Variants in KIAA0513 observed in about 807,000 individuals in gnomAD.
KIAA0513 encodes uncharacterized protein KIAA0513.
Under a neutral mutation model 56.5 loss-of-function variants are expected in KIAA0513, and 39 were observed. The observed-to-expected ratio is 0.69, with a 90% CI of 0.53 to 0.90. The LOEUF is 0.90. Ranked by LOEUF, KIAA0513 falls within the 40% of genes least tolerant of loss-of-function variation. The pLI is 0.00. For missense variants in KIAA0513, 591 were observed against 535.2 expected (o/e 1.10, Z -1.03); for synonymous variants, 268 against 215.6 (o/e 1.24, Z -2.13).
intron 1 of KIAA0513, among the ~76,000 whole-genome samples, chr16:85,035,147 A>C (rs1023580650): frequency 2.0e-5 from 3 of 152,088 alleles, no homozygotes; most frequent in African/African-American, 7.2e-5. Flanking sequence ...CAGTTCTCCG[A>C]GCATGGCCAT....
At chr16:85,084,428 T>C (rs35435918) in intron 10 of KIAA0513, among the ~76,000 whole-genome samples, 2,395 of 45,774 alleles carry the variant, frequency 0.052, 121 homozygotes, top group Middle Eastern at 0.15. Context: ...CTTTTCGTTC[T>C]CTTTTTTTTT....
At chr16:85,048,075 C>G (rs941954584) in intron 1 of KIAA0513, among the ~76,000 whole-genome samples, 24 of 152,118 alleles carry the variant, frequency 1.6e-4, no homozygotes, top group African/African-American at 5.8e-4. Context: ...ACAGAAACGT[C>G]TGGGATTACA....
chr16:85,075,701 C>G, intron 4 of KIAA0513, 143 bp from the exon 5 acceptor site: 1 of 696,698 alleles, frequency 1.4e-6, no homozygotes, highest in Non-Finnish European at 2.6e-6. Flanking sequence ...CCTAATGGAA[C>G]TTGGGGAGAT....
At chr16:85,087,472 C>T (rs552785959) in intron 12 of KIAA0513, among the ~76,000 whole-genome samples, 2 of 152,218 alleles carry the variant, frequency 1.3e-5, no homozygotes, top group Non-Finnish European at 2.9e-5. Flanking sequence ...TCAGCTTGCA[C>T]GGAGCCAAAC....
chr16:85,086,513 G>GGCACCCCCTTCT, intron 10 of KIAA0513, 131 bp from the exon 11 acceptor site: 1 of 829,402 alleles, frequency 1.2e-6, no homozygotes, highest in Non-Finnish European at 2.0e-6. Context: ...TCCGGTGGAA[G>GGCACCCCCTTCT]GCACCCCCTT....
chr16:85,030,822 C>T (rs2072954598), intron 1 of KIAA0513, among the ~76,000 whole-genome samples: 1 of 151,352 alleles, frequency 6.6e-6, no homozygotes, highest in South Asian at 2.1e-4. Flanking sequence ...CTTTCTAAAT[C>T]TGGGCATCAT....
At chr16:85,054,521 C>T (rs1003612947) in intron 1 of KIAA0513, among the ~76,000 whole-genome samples, 2 of 150,972 alleles carry the variant, frequency 1.3e-5, no homozygotes, top group African/African-American at 2.4e-5. Context: ...ACCTCCACCT[C>T]CCAGGTTCAA....
Position 85,066,883 on chromosome 16 carries a change from C to T in KIAA0513, c.-172-17C>T, listed in dbSNP as rs1489494208. 2 of 525,670 alleles carry T rather than the reference C, an allele frequency of 3.8e-6. No individual in the cohort carries two copies. The highest frequency in any genetic ancestry group is 7.1e-5 in the Admixed American group (2 of 28,168). 32.6% of individuals were successfully genotyped at this position (525,670 alleles called of 1,614,324 possible). A position where few individuals can be genotyped will look rare whatever the true frequency, so the allele number is the denominator to read the frequency against. ...TGAGGAGTGGCGCTAATGTCTGTGTCTGTGTTTCCATTCTAGATGCCGTAG... is the reference window on the plus strand; with the variant it reads ...TGAGGAGTGGCGCTAATGTCTGTGTTTGTGTTTCCATTCTAGATGCCGTAG... On this transcript the variant is annotated splice_polypyrimidine_tract_variant and intron_variant, in intron 1 of 12. Coordinates refer to ENST00000683363, the MANE Select transcript of KIAA0513 (RefSeq NM_001388359.1).
intron 10 of KIAA0513, among the ~76,000 whole-genome samples, chr16:85,084,558 T>C (rs2073787281): frequency 6.6e-6 from 1 of 151,692 alleles, no homozygotes; most frequent in Non-Finnish European, 1.5e-5. Context: ...GCCTCCCGAG[T>C]AGCTGGGATT....
intron 1 of KIAA0513, among the ~76,000 whole-genome samples, chr16:85,046,597 G>T (rs1236801025): frequency 6.6e-6 from 1 of 152,200 alleles, no homozygotes; most frequent in East Asian, 1.9e-4. Flanking sequence ...CATCCTTCGA[G>T]GTCAGCTGGT....
chr16:85,069,920 T>G (rs548089124), intron 2 of KIAA0513, among the ~76,000 whole-genome samples: 1 of 152,080 alleles, frequency 6.6e-6, no homozygotes, highest in African/African-American at 2.4e-5. Context: ...TTCCCAACAC[T>G]TTGGGAGGCT....
At position 85,088,462 on chromosome 16, in the gene KIAA0513, C is replaced by A; in HGVS notation, c.*137C>A. The A allele has an allele frequency of 1.5e-6, 1 of 681,088 alleles. No homozygotes were observed. Among genetic ancestry groups the A allele is most frequent in the African/African-American group, 1.8e-5 (1 of 56,016 alleles). The allele number at this position is 681,088 out of a possible 1,614,324, so 42.2% of individuals were successfully genotyped here. On this transcript the variant is annotated 3_prime_UTR_variant, in exon 13 of 13. Coordinates refer to ENST00000683363, the MANE Select transcript of KIAA0513 (RefSeq NM_001388359.1). ...GCCACTCCTGCTGCCCTAGAACTAG[C>A]GGTTAGAAGAATCCGCTGTTCCTCC...
At chr16:85,041,316 G>C (rs943649987) in intron 1 of KIAA0513, among the ~76,000 whole-genome samples, 1 of 152,160 alleles carries the variant, frequency 6.6e-6, no homozygotes, top group Non-Finnish European at 1.5e-5. Flanking sequence ...TCCGTTGTAT[G>C]ACTGACAGGC....
intron 2 of KIAA0513, among the ~76,000 whole-genome samples, chr16:85,070,039 C>A (rs28429559): frequency 0.066 from 10,023 of 151,324 alleles, 1,101 homozygotes; most frequent in African/African-American, 0.22. Context: ...GGCATGGTGG[C>A]ATGTACCCAT....
chr16:85,074,060 C>A (rs974649987), intron 4 of KIAA0513, among the ~76,000 whole-genome samples: 12 of 151,986 alleles, frequency 7.9e-5, no homozygotes, highest in African/African-American at 2.7e-4. Flanking sequence ...CTGCAACCTC[C>A]GCCTCCCGGT....
At chr16:85,039,105 CAAT>C (rs1327194345) in intron 1 of KIAA0513, among the ~76,000 whole-genome samples, 1 of 152,184 alleles carries the variant, frequency 6.6e-6, no homozygotes, top group Non-Finnish European at 1.5e-5. Context: ...TGTAGATGCT[CAAT>C]AATACTTGTT....
At chr16:85,034,354 T>C (rs558817284) in intron 1 of KIAA0513, among the ~76,000 whole-genome samples, 14 of 152,226 alleles carry the variant, frequency 9.2e-5, no homozygotes, top group African/African-American at 3.4e-4. Context: ...AACTCCAGTC[T>C]GGGCGACAAG....
intron 1 of KIAA0513, among the ~76,000 whole-genome samples, chr16:85,057,809 G>C (rs2073351256): frequency 6.9e-6 from 1 of 145,190 alleles, no homozygotes. Flanking sequence ...TACCTTTCCT[G>C]TGGTGCTGAG....
rs201590291 is a variant in KIAA0513, at chr16:85,086,649, A to T, written c.1016A>T (p.Lys339Met). 2.5e-6 allele frequency: 4 copies of T among 1,613,336 alleles called. No individual in the cohort carries two copies. The African/African-American group carries it at 5.3e-5, about 21-fold the overall frequency. ...GTCACCTCCTGTGCTTGCAGGGAGA[A>T]GTGGTGCCACATGACCCAGGAGGAG... ...DAGEEEEKRE[K>M]WCHMTQEERD... Residue 339 changes from lysine to methionine, a missense_variant, in exon 11 of 13, where the codon AAG (lysine) becomes ATG (methionine). Lys to Met is a moderately conservative substitution (Grantham distance 95). Transcript: ENST00000683363.
Sources: allele counts gnomAD v4.1 joint callset (sites outside exome capture counted in the v4.1 genomes callset), GRCh38; gene constraint gnomAD v4.1.1; transcripts MANE v1.5; gene names NCBI Gene and HGNC (gene_info 2026-07-23, HGNC 2026-07-21).